The following RARB variants were observed in gnomAD, a reference collection of about 807,000 sequenced individuals.
RARB encodes retinoic acid receptor beta, also known as HBV-activated protein.
A neutral mutation model predicts 51.9 loss-of-function variants in RARB; 17 were observed. That is an observed-to-expected ratio of 0.33 (90% CI 0.22 to 0.49). The LOEUF (loss-of-function observed/expected upper bound fraction) is 0.49, where lower values mean the gene tolerates loss of function less well. Ranked by LOEUF, RARB falls within the 20% of genes least tolerant of loss-of-function variation. The pLI, the probability that RARB is intolerant of heterozygous loss-of-function variation, is 0.99. For missense variants in RARB, 369 were observed against 550.8 expected, an observed-to-expected ratio of 0.67 and a Z score of 3.30; for synonymous variants, 215 against 195.4, an observed-to-expected ratio of 1.10 and a Z score of -0.84.
At chr3:25,564,080 T>C (rs1700384474) in intron 3 of RARB, among the ~76,000 whole-genome samples, 1 of 152,162 alleles carries the variant, frequency 6.6e-6, no homozygotes, top group African/African-American at 2.4e-5. Flanking sequence ...AAAATCAATA[T>C]TCCAGATACA....
chr3:24,973,217 A>G (rs770142515), intron 2 of RARB, among the ~76,000 whole-genome samples: 10 of 152,040 alleles, frequency 6.6e-5, no homozygotes, highest in African/African-American at 9.7e-5. Context: ...TCCCAGCACC[A>G]TTTATTGAAG....
chr3:25,090,637 A>C (rs1279713847), intron 3 of RARB, among the ~76,000 whole-genome samples: 1 of 152,144 alleles, frequency 6.6e-6, no homozygotes, highest in East Asian at 1.9e-4. Context: ...TACAGCCCTT[A>C]ATATAGACAA....
At chr3:24,847,051 C>T (rs1236675881) in intron 1 of RARB, among the ~76,000 whole-genome samples, 1 of 152,114 alleles carries the variant, frequency 6.6e-6, no homozygotes, top group Non-Finnish European at 1.5e-5. Flanking sequence ...AAATAGAGAT[C>T]CTGACTCAAC....
At chr3:25,427,126 G>A (rs1323361373), upstream of RARB, among the ~76,000 whole-genome samples, 2 of 152,166 alleles carry the variant, frequency 1.3e-5, no homozygotes, top group Admixed American at 6.5e-5. Context: ...TATTTGGGGT[G>A]CAAGGATGTG....
intron 3 of RARB, among the ~76,000 whole-genome samples, chr3:25,099,880 A>T (rs1056626409): frequency 1.3e-5 from 2 of 152,164 alleles, no homozygotes; most frequent in African/African-American, 4.8e-5. Context: ...CACGCAGGAA[A>T]GCCATGGGAA....
intron 5 of RARB, among the ~76,000 whole-genome samples, chr3:25,398,303 G>A (rs1707172391): frequency 6.6e-6 from 1 of 151,978 alleles, no homozygotes; most frequent in Non-Finnish European, 1.5e-5. Flanking sequence ...TAAACACCCT[G>A]GATGCTCCAA....
At position 25,564,817 on chromosome 3, in the gene RARB, T is replaced by G. The variant is rs184491059; in HGVS notation, c.449-4941T>G. Among the ~76,000 whole-genome samples the G allele has an allele frequency of 2.6e-5, 4 of 152,244 alleles. No homozygotes were observed. In the East Asian group the frequency reaches 7.7e-4, roughly 29 times the overall value. On this transcript the variant is annotated intron_variant, in intron 3 of 7. Coordinates refer to ENST00000330688, the MANE Select transcript of RARB (RefSeq NM_000965.5). ...TTCCCTCCCAGAGGTGCACCGTACC[T>G]GAAAGCAGCTTGTCAAACTCCCAGG...
At chr3:25,302,086 TA>T (rs1278913303) in intron 5 of RARB, among the ~76,000 whole-genome samples, 1 of 152,216 alleles carries the variant, frequency 6.6e-6, no homozygotes, top group Non-Finnish European at 1.5e-5. Flanking sequence ...GATACTACTT[TA>T]TACTCACTAC....
chr3:25,139,211 A>C (rs1700075129), intron 4 of RARB, among the ~76,000 whole-genome samples: 1 of 152,190 alleles, frequency 6.6e-6, no homozygotes, highest in Admixed American at 6.5e-5. Flanking sequence ...AATGAAAGAA[A>C]GAGTAACAAG....
intron 5 of RARB, among the ~76,000 whole-genome samples, chr3:25,408,372 C>T (rs1188975164): frequency 6.6e-6 from 1 of 151,958 alleles, no homozygotes; most frequent in African/African-American, 2.4e-5. Flanking sequence ...GGCACATCTT[C>T]CTATGGCCAA....
In RARB at chr3:25,482,521, A is replaced by ATTTTT. The variant is rs71087718; in HGVS notation, c.307-18629_307-18625dup. ...TAACTTTAAATTTTCTAGCAGCCAA[A>ATTTTT]TTTTTTTTTTTTTTTTTTTTTTTTT... is the stretch of plus-strand genomic sequence containing the variant. On this transcript the variant is annotated intron_variant, in intron 2 of 7. Coordinates refer to ENST00000330688, the MANE Select transcript of RARB (RefSeq NM_000965.5). Among the ~76,000 whole-genome samples the ATTTTT allele has an allele frequency of 4.1e-3, 272 of 65,764 alleles. 50 individuals carry two copies. Among genetic ancestry groups the ATTTTT allele is most frequent in the African/African-American group, 0.018 (255 of 14,260 alleles). 43.1% of individuals were successfully genotyped at this position (65,764 alleles called of 152,430 possible).
At chr3:24,975,091 A>G (rs1416220406) in intron 2 of RARB, among the ~76,000 whole-genome samples, 1 of 152,164 alleles carries the variant, frequency 6.6e-6, no homozygotes, top group Non-Finnish European at 1.5e-5. Flanking sequence ...ATAGATTGAA[A>G]CAAGAATGTA....
chr3:25,255,235 A>C (rs1480264442), intron 5 of RARB, among the ~76,000 whole-genome samples: 1 of 152,132 alleles, frequency 6.6e-6, no homozygotes, highest in African/African-American at 2.4e-5. Context: ...TTTTCTGGAG[A>C]TCAGATCCTG....
At chr3:25,513,627 T>C (rs1575476876) in intron 3 of RARB, among the ~76,000 whole-genome samples, 2 of 143,610 alleles carry the variant, frequency 1.4e-5, no homozygotes, top group Admixed American at 1.4e-4. Context: ...AGCTTGTAAA[T>C]AGGTCCTAAC....
chr3:25,437,773 C>T (rs1390619966), intron 1 of RARB, among the ~76,000 whole-genome samples: 2 of 152,206 alleles, frequency 1.3e-5, no homozygotes, highest in African/African-American at 2.4e-5. Flanking sequence ...AGTTCTAAAC[C>T]TATCTTACAC....
At chr3:25,135,115 G>A (rs868731904) in intron 4 of RARB, among the ~76,000 whole-genome samples, 10 of 150,784 alleles carry the variant, frequency 6.6e-5, no homozygotes, top group African/African-American at 2.4e-4. Flanking sequence ...ACTCTTTGAA[G>A]CACACTATCC....
chr3:25,014,305 CT>C (rs1262293527), intron 2 of RARB, among the ~76,000 whole-genome samples: 1 of 151,970 alleles, frequency 6.6e-6, no homozygotes, highest in African/African-American at 2.4e-5. Context: ...TGTGCCAGTT[CT>C]GGGCCGAGGC....
At chr3:25,013,693 G>A (rs996359631) in intron 2 of RARB, among the ~76,000 whole-genome samples, 1 of 152,068 alleles carries the variant, frequency 6.6e-6, no homozygotes, top group Non-Finnish European at 1.5e-5. Context: ...GCTTTGTTAA[G>A]TGGTACTGAC....
intron 5 of RARB, among the ~76,000 whole-genome samples, chr3:25,195,371 A>G (rs952200173): frequency 1.7e-4 from 26 of 152,058 alleles, no homozygotes; most frequent in Admixed American, 6.6e-5. Flanking sequence ...CTAAGAGAAT[A>G]GATATTTGAT....
Sources: gnomAD v4.1 joint callset for allele counts (sites outside exome capture counted in the v4.1 genomes callset) on GRCh38, gnomAD v4.1.1 for gene constraint, MANE v1.5 for transcripts, NCBI Gene and HGNC (gene_info 2026-07-23, HGNC 2026-07-21) for gene names.